BMPER: variants seen among roughly 807,000 people sequenced by gnomAD.
BMPER encodes the protein BMP binding endothelial regulator.
A neutral mutation model predicts 87.3 loss-of-function variants in BMPER; 45 were observed. That is an observed-to-expected ratio of 0.52 (90% CI 0.41 to 0.66). BMPER has a LOEUF of 0.66. BMPER is among the 30% of genes least tolerant of loss of function. BMPER has a pLI of 0.00. For synonymous variants in BMPER, 326 were observed against 316.2 expected (o/e 1.03, Z -0.33); for missense variants, 784 against 867.5 (o/e 0.90, Z 1.21).
At chr7:33,912,794 T>C (rs1341453839) in intron 2 of BMPER, among the ~76,000 whole-genome samples, 1 of 152,146 alleles carries the variant, frequency 6.6e-6, no homozygotes, top group Non-Finnish European at 1.5e-5. Context: ...ATGAGCTGGG[T>C]GTATATTTTA....
intron 3 of BMPER, among the ~76,000 whole-genome samples, chr7:33,946,600 A>G (rs926882334): frequency 6.6e-6 from 1 of 152,198 alleles, no homozygotes. Context: ...AATTAAACAA[A>G]TCTGATTTAA....
chr7:34,049,787 A>C (rs891642205), intron 7 of BMPER, among the ~76,000 whole-genome samples: 3 of 152,212 alleles, frequency 2.0e-5, no homozygotes, highest in Non-Finnish European at 2.9e-5. Flanking sequence ...TGAAGCAGAG[A>C]TATTTTAGAT....
chr7:34,048,508 G>A (rs914034673), intron 7 of BMPER, among the ~76,000 whole-genome samples: 2 of 152,182 alleles, frequency 1.3e-5, no homozygotes, highest in Admixed American at 1.3e-4. Context: ...AGCCAGTTCA[G>A]TGTGGCACAA....
At chr7:33,978,194 C>T (rs1241954034) in intron 6 of BMPER, among the ~76,000 whole-genome samples, 1 of 152,182 alleles carries the variant, frequency 6.6e-6, no homozygotes, top group Non-Finnish European at 1.5e-5. Flanking sequence ...TCACTCCCGC[C>T]ATGTAAGGAC....
At chr7:33,960,010 G>T (rs1785230448) in intron 3 of BMPER, among the ~76,000 whole-genome samples, 1 of 152,106 alleles carries the variant, frequency 6.6e-6, no homozygotes, top group African/African-American at 2.4e-5. Flanking sequence ...CAAAAATTAA[G>T]TGAAATAGCT....
chr7:33,930,979 G>T (rs1476852093), intron 2 of BMPER, among the ~76,000 whole-genome samples: 1 of 152,086 alleles, frequency 6.6e-6, no homozygotes, highest in African/African-American at 2.4e-5. Flanking sequence ...TGGCCCCTTT[G>T]GGTCTTTGGT....
intron 6 of BMPER, among the ~76,000 whole-genome samples, chr7:33,997,924 A>T (rs1786463859): frequency 2.0e-5 from 3 of 152,196 alleles, no homozygotes; most frequent in Non-Finnish European, 4.4e-5. Flanking sequence ...CCCTGCCACC[A>T]GATACTCCCT....
At position 33,974,694 on chromosome 7, in the gene BMPER, C is replaced by T. The variant is rs763800291; in HGVS notation, c.494-8C>T. On this transcript the variant is annotated splice_polypyrimidine_tract_variant and splice_region_variant and intron_variant, in intron 5 of 14. Transcript: ENST00000649409. ...TGCCCTAATTCTAAACTCTTGTCTGCTTTCCAGGCTGTGTGTTTGAGGGTG... is the reference window on the plus strand; with the variant it reads ...TGCCCTAATTCTAAACTCTTGTCTGTTTTCCAGGCTGTGTGTTTGAGGGTG... 6.2e-6 allele frequency: 10 copies of T among 1,613,826 alleles called. No individual in the cohort carries two copies. In the South Asian group the frequency reaches 9.9e-5, roughly 16 times the overall value.
chr7:34,055,102 G>A (rs1231617962), intron 8 of BMPER, 61 bp from the exon 9 acceptor site: 40 of 1,609,952 alleles, frequency 2.5e-5, no homozygotes, highest in South Asian at 3.3e-5. Context: ...GGAAGGCCAG[G>A]TAGGATGTTT....
chr7:34,138,445 G>A (rs942669918), intron 13 of BMPER, among the ~76,000 whole-genome samples: 2 of 152,202 alleles, frequency 1.3e-5, no homozygotes, highest in Admixed American at 1.3e-4. Flanking sequence ...TGCCCAGCCT[G>A]GTGCCAGCTC....
chr7:33,997,257 C>T (rs1786439404), intron 6 of BMPER, among the ~76,000 whole-genome samples: 1 of 152,188 alleles, frequency 6.6e-6, no homozygotes, highest in Non-Finnish European at 1.5e-5. Flanking sequence ...AAAGCCAGAG[C>T]TCCCCTCTGC....
At chr7:34,128,770 A>C (rs1790468396) in intron 13 of BMPER, among the ~76,000 whole-genome samples, 1 of 152,200 alleles carries the variant, frequency 6.6e-6, no homozygotes, top group Admixed American at 6.5e-5. Flanking sequence ...TTAATATATA[A>C]GAAAACTTCC....
intron 6 of BMPER, among the ~76,000 whole-genome samples, chr7:33,985,331 T>C (rs1022755654): frequency 6.6e-6 from 1 of 152,312 alleles, no homozygotes; most frequent in African/African-American, 2.4e-5. Flanking sequence ...TGAATATGTC[T>C]CCATTTCATG....
chr7:33,956,689 T>C (rs1228683325), intron 3 of BMPER, among the ~76,000 whole-genome samples: 1 of 152,228 alleles, frequency 6.6e-6, no homozygotes. Flanking sequence ...TATCCACTTC[T>C]ACTTAATGAA....
chr7:33,985,853 G>A (rs938440770), intron 6 of BMPER, among the ~76,000 whole-genome samples: 2 of 151,990 alleles, frequency 1.3e-5, no homozygotes, highest in Non-Finnish European at 2.9e-5. Flanking sequence ...GTTAAGATGC[G>A]TTTAAAAACA....
chr7:33,916,871 C>T (rs546378020), intron 2 of BMPER, among the ~76,000 whole-genome samples: 1 of 152,064 alleles, frequency 6.6e-6, no homozygotes, highest in Admixed American at 6.5e-5. Context: ...TAGCTCCCCC[C>T]AGAATGGAAC....
intron 7 of BMPER, among the ~76,000 whole-genome samples, chr7:34,047,220 C>G (rs575153276): frequency 6.6e-6 from 1 of 152,208 alleles, no homozygotes; most frequent in South Asian, 2.1e-4. Flanking sequence ...TTTTCTAGAG[C>G]ATGAGGTTCT....
At chr7:34,045,362 C>G (rs1178600188) in intron 6 of BMPER, among the ~76,000 whole-genome samples, 6 of 152,142 alleles carry the variant, frequency 3.9e-5, no homozygotes, top group Admixed American at 3.9e-4. Context: ...GAAGTTACAA[C>G]TTAACTGGGG....
intron 6 of BMPER, among the ~76,000 whole-genome samples, chr7:34,035,274 T>A: frequency 6.6e-6 from 1 of 152,154 alleles, no homozygotes; most frequent in East Asian, 1.9e-4. Context: ...TTTTAGGAAA[T>A]TGCCACCTGA....
Sources: gnomAD v4.1 joint callset for allele counts (sites outside exome capture counted in the v4.1 genomes callset) on GRCh38, gnomAD v4.1.1 for gene constraint, MANE v1.5 for transcripts, NCBI Gene and HGNC (gene_info 2026-07-23, HGNC 2026-07-21) for gene names.